COL22A1: variants seen among roughly 807,000 people sequenced by gnomAD.
COL22A1 encodes collagen type XXII alpha 1 chain.
A neutral mutation model predicts 248.9 loss-of-function variants in COL22A1; 221 were observed. The observed-to-expected ratio is 0.89, with a 90% CI of 0.80 to 0.99. The LOEUF is 0.99. Among genes scored for constraint, COL22A1 ranks in the 50% least tolerant of loss-of-function variants. The pLI, the probability that COL22A1 is intolerant of heterozygous loss-of-function variation, is 0.00. For missense variants in COL22A1, 2,240 were observed against 2,179.0 expected (o/e 1.03, Z -0.56); for synonymous variants, 891 against 793.4 (o/e 1.12, Z -2.07).
intron 41 of COL22A1, among the ~76,000 whole-genome samples, chr8:138,664,436 G>A (rs370723478): frequency 6.6e-6 from 1 of 152,028 alleles, no homozygotes; most frequent in Admixed American, 6.6e-5. Flanking sequence ...GAGGCTTTGC[G>A]ATGCTTGTGC....
intron 3 of COL22A1, among the ~76,000 whole-genome samples, chr8:138,850,662 C>T (rs756090221): frequency 3.9e-5 from 6 of 152,186 alleles, no homozygotes; most frequent in Non-Finnish European, 7.3e-5. Flanking sequence ...CACCAGAGTA[C>T]AGAGAAGCCA....
Position 138,821,411 on chromosome 8 carries a change from C to A in COL22A1, c.970G>T (p.Val324Phe). 1 of 1,610,992 alleles carries A rather than the reference C, an allele frequency of 6.2e-7. No individual in the cohort carries two copies. Among genetic ancestry groups the A allele is most frequent in the Non-Finnish European group, 8.5e-7 (1 of 1,177,424 alleles). ...QVIDQYSIPQ[V>F]SIRLDGENKA... Reference sequence around the variant, plus strand: ...TTTTCACCATCCAGCCGGATGGAGACCTGGGGAGGAAAGGACCAGAGACTC... The same window carrying A: ...TTTTCACCATCCAGCCGGATGGAGAACTGGGGAGGAAAGGACCAGAGACTC... The change falls in exon 7 of 65, where the codon GTC becomes TTC. Residue 324 changes from valine to phenylalanine, a missense_variant and splice_region_variant. Physicochemically the swap from Val to Phe is conservative, Grantham distance 50. Coordinates refer to ENST00000303045, the MANE Select transcript of COL22A1 (RefSeq NM_152888.3).
intron 6 of COL22A1, among the ~76,000 whole-genome samples, chr8:138,822,963 C>A (rs1023444534): frequency 6.6e-6 from 1 of 152,202 alleles, no homozygotes; most frequent in Non-Finnish European, 1.5e-5. Context: ...TTTCCTTAAC[C>A]CTTATCCCTT....
intron 16 of COL22A1, among the ~76,000 whole-genome samples, chr8:138,775,409 G>A (rs1167602850): frequency 1.3e-5 from 2 of 152,200 alleles, no homozygotes; most frequent in African/African-American, 4.8e-5. Context: ...CAGTCATGAA[G>A]GAGCCTCCAC....
chr8:138,755,826 C>T lies in COL22A1; in HGVS notation c.1906G>A (p.Asp636Asn). 1 of 1,614,072 alleles carries T rather than the reference C, an allele frequency of 6.2e-7. No individual in the cohort carries two copies. Among genetic ancestry groups the T allele is most frequent in the Non-Finnish European group, 8.5e-7 (1 of 1,179,920 alleles). Residue 636 changes from aspartate to asparagine, a missense_variant, in exon 19 of 65, where the codon GAC (aspartate) becomes AAC (asparagine). Physicochemically the swap from Asp to Asn is conservative, Grantham distance 23. Transcript: ENST00000303045. ...GVAGPQGEKGDVGPAGPPGVP... is the reference protein window; with the variant it reads ...GVAGPQGEKGNVGPAGPPGVP... ...CCAGGTGGCCCCGCAGGTCCCACGT[C>T]ACCCTGCACAGAAACGACAAACATT...
intron 49 of COL22A1, 74 bp from the exon 50 acceptor site, chr8:138,630,822 A>T: frequency 1.1e-5 from 14 of 1,251,260 alleles, no homozygotes; most frequent in Non-Finnish European, 1.6e-5. Context: ...TGCTTTGAAT[A>T]CAAAGCAATT....
intron 41 of COL22A1, among the ~76,000 whole-genome samples, chr8:138,668,066 CAAAA>C (rs1824668546): frequency 6.6e-6 from 1 of 151,566 alleles, no homozygotes; most frequent in East Asian, 1.9e-4. Context: ...AAGAAACAAA[CAAAA>C]AACACAGAAG....
At chr8:138,874,453 C>T (rs910063874) in intron 3 of COL22A1, among the ~76,000 whole-genome samples, 1 of 152,202 alleles carries the variant, frequency 6.6e-6, no homozygotes, top group Non-Finnish European at 1.5e-5. Context: ...AAATGTTAGA[C>T]AAGGTCTTGT....
chr8:138,785,329 C>T (rs1218340259), intron 12 of COL22A1, among the ~76,000 whole-genome samples: 4 of 152,236 alleles, frequency 2.6e-5, no homozygotes, highest in Non-Finnish European at 4.4e-5. Flanking sequence ...CCCCTACCTG[C>T]CTCTTGCACT....
Position 138,703,326 on chromosome 8 carries a change from G to A in COL22A1, c.2539C>T (p.Pro847Ser). The change falls in exon 31 of 65, where the codon CCT becomes TCT. Residue 847 changes from proline to serine, a missense_variant. Coordinates refer to ENST00000303045, the MANE Select transcript of COL22A1 (RefSeq NM_152888.3). ...CTTACAGTTCCAGGTAACCCGGGAG[G>A]GCCTGCAGGACCAGCTTCACCCTAG... ...GEKGEAGPAG[P>S]PGLPGTTSLF... The A allele has an allele frequency of 6.2e-7, 1 of 1,613,732 alleles. No individual in the cohort carries two copies. The highest frequency in any genetic ancestry group is 1.3e-5 in the African/African-American group (1 of 74,974).
At chr8:138,719,025 A>G (rs1829661977) in intron 27 of COL22A1, among the ~76,000 whole-genome samples, 1 of 152,262 alleles carries the variant, frequency 6.6e-6, no homozygotes, top group African/African-American at 2.4e-5. Context: ...GTATAAACCC[A>G]GAAGGATTTG....
At chr8:138,707,209 C>A (rs1015289713) in intron 30 of COL22A1, among the ~76,000 whole-genome samples, 1 of 152,136 alleles carries the variant, frequency 6.6e-6, no homozygotes, top group African/African-American at 2.4e-5. Context: ...ACCAGAGGTA[C>A]AAAGAGGAGC....
intron 37 of COL22A1, 104 bp downstream of exon 37, chr8:138,688,813 T>C: frequency 3.3e-6 from 3 of 911,188 alleles, no homozygotes; most frequent in Admixed American, 1.7e-5. Context: ...CCCCTTCTGA[T>C]TGCTGGTTCC....
intron 56 of COL22A1, among the ~76,000 whole-genome samples, chr8:138,609,658 T>A (rs1156533153): frequency 6.6e-6 from 1 of 152,188 alleles, no homozygotes; most frequent in African/African-American, 2.4e-5. Flanking sequence ...CTTTGCCTTA[T>A]CCCTATGGAA....
chr8:138,853,893 C>G (rs569314455), intron 3 of COL22A1, among the ~76,000 whole-genome samples: 1 of 152,296 alleles, frequency 6.6e-6, no homozygotes, highest in South Asian at 2.1e-4. Flanking sequence ...TTGGCTGACA[C>G]CCAGTCTCCC....
At chr8:138,715,762 C>T (rs1346893483) in intron 29 of COL22A1, 27 bp from the exon 30 acceptor site, 2 of 1,554,936 alleles carry the variant, frequency 1.3e-6, no homozygotes, top group African/African-American at 1.4e-5. Context: ...AATTAGAAAA[C>T]ATTAGAACCC....
intron 37 of COL22A1, among the ~76,000 whole-genome samples, chr8:138,687,927 A>T (rs1328651078): frequency 6.6e-6 from 1 of 152,186 alleles, no homozygotes; most frequent in African/African-American, 2.4e-5. Flanking sequence ...ACAACAAAAA[A>T]TATCTCCCTG....
intron 12 of COL22A1, among the ~76,000 whole-genome samples, chr8:138,795,043 GGTGGATCTCATGTT>G (rs1816382076): frequency 6.6e-6 from 1 of 151,866 alleles, no homozygotes; most frequent in South Asian, 2.1e-4. Flanking sequence ...TTGTTAGGAG[GGTGGATCTCATGTT>G]GTGAGTGTCC....
intron 1 of COL22A1, among the ~76,000 whole-genome samples, chr8:138,883,612 G>T (rs1052296279): frequency 6.6e-6 from 1 of 152,292 alleles, no homozygotes; most frequent in South Asian, 2.1e-4. Flanking sequence ...CTGGTCGGAG[G>T]TGATTGGATC....
Sources: gnomAD v4.1 joint callset for allele counts (sites outside exome capture counted in the v4.1 genomes callset) on GRCh38, gnomAD v4.1.1 for gene constraint, MANE v1.5 for transcripts, NCBI Gene and HGNC (gene_info 2026-07-23, HGNC 2026-07-21) for gene names.